The following FAM13A variants were observed in gnomAD, a reference collection of about 807,000 sequenced individuals.
FAM13A encodes the protein protein FAM13A.
In FAM13A, 76 loss-of-function variants were observed where a neutral mutation model predicts 129.6. The ratio of observed to expected loss-of-function variants is 0.59; its 90% CI spans 0.49 to 0.71. The LOEUF is 0.71. Ranked by LOEUF, FAM13A falls within the 30% of genes least tolerant of loss-of-function variation. The pLI is 0.00. For missense variants in FAM13A, 1,108 were observed against 1,249.3 expected, an observed-to-expected ratio of 0.89 and a Z score of 1.70; for synonymous variants, 443 against 449.9, an observed-to-expected ratio of 0.98 and a Z score of 0.20.
chr4:88,746,708 T>C (rs1741418234), intron 19 of FAM13A, among the ~76,000 whole-genome samples: 1 of 152,170 alleles, frequency 6.6e-6, no homozygotes, highest in Admixed American at 6.5e-5. Context: ...CAAACCAATT[T>C]TTCATTGGAA....
At chr4:89,019,513 C>G (rs1364181898) in intron 3 of FAM13A, among the ~76,000 whole-genome samples, 1 of 152,102 alleles carries the variant, frequency 6.6e-6, no homozygotes, top group African/African-American at 2.4e-5. Context: ...GTAATCCCAG[C>G]TCTTGGGGAA....
At chr4:88,943,590 T>C (rs867551454) in intron 4 of FAM13A, among the ~76,000 whole-genome samples, 104 of 152,348 alleles carry the variant, frequency 6.8e-4, no homozygotes, top group African/African-American at 2.3e-3. Flanking sequence ...TCTAAAAGCT[T>C]TCTGTAAACA....
At chr4:88,873,403 T>C (rs1361109658) in intron 6 of FAM13A, among the ~76,000 whole-genome samples, 1 of 151,648 alleles carries the variant, frequency 6.6e-6, no homozygotes, top group Non-Finnish European at 1.5e-5. Context: ...GCAAGACTAA[T>C]AAGGAAGAAA....
intron 4 of FAM13A, among the ~76,000 whole-genome samples, chr4:88,959,293 C>T (rs1758254871): frequency 6.6e-6 from 1 of 152,054 alleles, no homozygotes; most frequent in South Asian, 2.1e-4. Flanking sequence ...ATATTTGTCC[C>T]CACCCAAATC....
chr4:88,747,691 T>A lies in FAM13A; in HGVS notation c.2322A>T (p.Glu774Asp). 6.2e-7 allele frequency: 1 copy of A among 1,614,192 alleles called. No homozygotes were observed. Among genetic ancestry groups the A allele is most frequent in the South Asian group, 1.1e-5 (1 of 91,084 alleles). Residue 774 changes from glutamate (E) to aspartate (D), a missense_variant, in exon 18 of 24, where the codon GAA becomes GAT. Physicochemically the swap from Glu to Asp is conservative, Grantham distance 45. This residue lies in a region of FAM13A where 529 missense variants were observed against 621.2 expected (regional missense o/e 0.85). Coordinates refer to ENST00000264344, the MANE Select transcript of FAM13A (RefSeq NM_014883.4). ...AIKPSVEATL[E>D]SIQRKLQEKR... is the part of the protein sequence containing the mutation. ...TCTCCTGGAGCTTCCTCTGAATAGA[T>A]TCCAATGTGGCTTCAACACTGGGCT...
rs1429715870 is a variant in FAM13A, at chr4:88,760,461, G to A, written c.1579-1560C>T. Among the ~76,000 whole-genome samples, 2 of 78,024 alleles carry A rather than the reference G, an allele frequency of 2.6e-5. 1 individual carries two copies. Among genetic ancestry groups the A allele is most frequent in the Non-Finnish European group, 7.4e-5 (2 of 27,038 alleles). 51.2% of individuals were successfully genotyped at this position (78,024 alleles called of 152,430 possible). The stretch of plus-strand genomic sequence containing the variant: ...CTACTAAAAATACAAAAAATTAGCC[G>A]GGCGTGGTGGCGGGCGCCTGTGGTC... On this transcript the variant is annotated intron_variant, in intron 13 of 23. Transcript: ENST00000264344.
intron 9 of FAM13A, 133 bp from the exon 10 acceptor site, chr4:88,788,065 G>T: frequency 1.7e-6 from 1 of 605,020 alleles, no homozygotes; most frequent in Non-Finnish European, 2.7e-6. Context: ...AGCAAAGAGA[G>T]ATGATGAGGC....
At chr4:89,044,195 T>C (rs1409732639) in intron 1 of FAM13A, among the ~76,000 whole-genome samples, 1 of 151,914 alleles carries the variant, frequency 6.6e-6, no homozygotes, top group Admixed American at 6.6e-5. Context: ...TCTGAATACA[T>C]ATTCAAAATA....
At chr4:88,840,734 A>G (rs1235497423) in intron 7 of FAM13A, among the ~76,000 whole-genome samples, 1 of 152,154 alleles carries the variant, frequency 6.6e-6, no homozygotes, top group Non-Finnish European at 1.5e-5. Context: ...TATTTTGTAG[A>G]TCTAAATCAT....
chr4:88,925,448 C>T (rs527778778), intron 5 of FAM13A, among the ~76,000 whole-genome samples: 4 of 151,148 alleles, frequency 2.6e-5, no homozygotes, highest in Non-Finnish European at 5.9e-5. Flanking sequence ...AGTAAACTAT[C>T]GCAAGGACAA....
At chr4:88,969,662 C>A (rs1759813896) in intron 4 of FAM13A, among the ~76,000 whole-genome samples, 1 of 152,186 alleles carries the variant, frequency 6.6e-6, no homozygotes, top group African/African-American at 2.4e-5. Flanking sequence ...CAAAAGGTAA[C>A]ATTTACTGAG....
At chr4:89,030,894 T>C (rs956963238) in intron 1 of FAM13A, among the ~76,000 whole-genome samples, 3 of 152,178 alleles carry the variant, frequency 2.0e-5, no homozygotes, top group Non-Finnish European at 2.9e-5. Flanking sequence ...GATTTTAAAT[T>C]GTGTAATCTA....
chr4:88,879,165 A>G (rs1200598258), intron 6 of FAM13A, among the ~76,000 whole-genome samples: 1 of 152,206 alleles, frequency 6.6e-6, no homozygotes. Flanking sequence ...TATAAAAGCA[A>G]TATAGAGCTT....
intron 11 of FAM13A, among the ~76,000 whole-genome samples, chr4:88,771,064 T>C (rs1254298890): frequency 6.6e-6 from 1 of 152,114 alleles, no homozygotes; most frequent in Non-Finnish European, 1.5e-5. Context: ...AGCATGCAGG[T>C]ACACAGTGTT....
chr4:89,013,786 G>C (rs549809429), intron 3 of FAM13A, among the ~76,000 whole-genome samples: 1 of 152,302 alleles, frequency 6.6e-6, no homozygotes, highest in Non-Finnish European at 1.5e-5. Flanking sequence ...TATACAGCAA[G>C]TATAACGACA....
At chr4:89,010,466 T>G (rs562400460) in intron 3 of FAM13A, among the ~76,000 whole-genome samples, 23 of 152,046 alleles carry the variant, frequency 1.5e-4, no homozygotes, top group African/African-American at 4.3e-4. Flanking sequence ...TCCTAGAAAG[T>G]TGAAGACTGT....
chr4:88,973,243 T>C (rs1316545520), intron 4 of FAM13A, among the ~76,000 whole-genome samples: 5 of 152,076 alleles, frequency 3.3e-5, no homozygotes, highest in Non-Finnish European at 5.9e-5. Flanking sequence ...ATTTCTTCTG[T>C]TCCTTTCTCT....
At chr4:88,744,551 G>A (rs1740902290) in intron 19 of FAM13A, among the ~76,000 whole-genome samples, 1 of 152,122 alleles carries the variant, frequency 6.6e-6, no homozygotes, top group African/African-American at 2.4e-5. Context: ...ATCAGTATCT[G>A]TAGACTCAGA....
At chr4:88,810,132 C>T (rs1430119518) in intron 7 of FAM13A, among the ~76,000 whole-genome samples, 1 of 152,022 alleles carries the variant, frequency 6.6e-6, no homozygotes, top group Non-Finnish European at 1.5e-5. Context: ...TTAGTATTCA[C>T]AGAACAGAAA....
Sources: gnomAD v4.1 joint callset for allele counts (sites outside exome capture counted in the v4.1 genomes callset) on GRCh38, gnomAD v4.1.1 for gene constraint, gnomAD v4.1.1 regional missense constraint, MANE v1.5 for transcripts, NCBI Gene and HGNC (gene_info 2026-07-23, HGNC 2026-07-21) for gene names.